GPR15LG: variants seen among roughly 807,000 people sequenced by gnomAD.
GPR15LG encodes the protein protein GPR15LG.
At chr10:84,175,864 T>C in the GPR15LG span, among the ~76,000 whole-genome samples, 1 of 151,586 alleles carries the variant, frequency 6.6e-6, no homozygotes, top group Non-Finnish European at 1.5e-5. Context: ...GTATGTCCTT[T>C]ATTCAGGCTT....
chr10:84,178,226 AC>A, the GPR15LG span, among the ~76,000 whole-genome samples: 1 of 151,552 alleles, frequency 6.6e-6, no homozygotes, highest in Non-Finnish European at 1.5e-5. Context: ...CACACACACC[AC>A]GCACTATACA....
At chr10:84,175,059 TTTTA>T in the GPR15LG span, among the ~76,000 whole-genome samples, 7 of 152,252 alleles carry the variant, frequency 4.6e-5, no homozygotes, top group Admixed American at 6.5e-5. Context: ...GTTATATCTT[TTTTA>T]TTTATCACTA....
the GPR15LG span, among the ~76,000 whole-genome samples, chr10:84,175,664 C>T: frequency 6.6e-6 from 1 of 152,082 alleles, no homozygotes; most frequent in African/African-American, 2.4e-5. Flanking sequence ...ACCACAATGC[C>T]CTGCTAATTT....
chr10:84,181,978 G>C, the GPR15LG span, among the ~76,000 whole-genome samples: 2 of 152,216 alleles, frequency 1.3e-5, no homozygotes, highest in Admixed American at 1.3e-4. Flanking sequence ...TGGAGCCTGA[G>C]AGGCTGCCCA....
chr10:84,179,487 T>C, the GPR15LG span, among the ~76,000 whole-genome samples: 8 of 152,202 alleles, frequency 5.3e-5, no homozygotes, highest in Non-Finnish European at 1.0e-4. Context: ...GATGAATCAG[T>C]GTTCCCAGGG....
the GPR15LG span, among the ~76,000 whole-genome samples, chr10:84,182,095 G>C: frequency 6.6e-6 from 1 of 152,190 alleles, no homozygotes; most frequent in African/African-American, 2.4e-5. Context: ...TTCCTCCCTC[G>C]CCATAGGGTT....
At chr10:84,178,281 GACAC>G in the GPR15LG span, among the ~76,000 whole-genome samples, 1 of 149,544 alleles carries the variant, frequency 6.7e-6, no homozygotes, top group South Asian at 2.1e-4. Context: ...TACACAAACA[GACAC>G]ACACTATACA....
chr10:84,179,550 G>A, the GPR15LG span, among the ~76,000 whole-genome samples: 1 of 152,202 alleles, frequency 6.6e-6, no homozygotes, highest in Admixed American at 6.5e-5. Flanking sequence ...CAGAAATCTG[G>A]CCTCGTGTGC....
the GPR15LG span, among the ~76,000 whole-genome samples, chr10:84,175,849 A>C: frequency 6.6e-6 from 1 of 152,186 alleles, no homozygotes; most frequent in Non-Finnish European, 1.5e-5. Context: ...ATATATGTAC[A>C]TAAAGTATGT....
At chr10:84,184,883 CT>C in the GPR15LG span, 11 of 1,516,556 alleles carry the variant, frequency 7.3e-6, no homozygotes, top group Non-Finnish European at 7.9e-6. Context: ...TGTTGGAGGG[CT>C]TCATCTCGGG....
chr10:84,184,474 A>G, the GPR15LG span, among the ~76,000 whole-genome samples: 2 of 152,256 alleles, frequency 1.3e-5, no homozygotes, highest in Admixed American at 6.5e-5. Context: ...TGGGACTGAA[A>G]TAATCTGGGC....
the GPR15LG span, chr10:84,184,591 A>G: frequency 7.8e-7 from 1 of 1,283,944 alleles, no homozygotes; most frequent in Non-Finnish European, 1.1e-6. Context: ...ATGCAACTTA[A>G]TTGTGTTTTC....
the GPR15LG span, among the ~76,000 whole-genome samples, chr10:84,182,973 G>A: frequency 5.3e-5 from 8 of 151,552 alleles, no homozygotes; most frequent in African/African-American, 1.9e-4. Context: ...AGTAAGTTAC[G>A]CTATATATTA....
the GPR15LG span, among the ~76,000 whole-genome samples, chr10:84,182,583 G>A: frequency 6.6e-6 from 1 of 152,216 alleles, no homozygotes; most frequent in Non-Finnish European, 1.5e-5. Context: ...AGCCCAGACT[G>A]TTCACGTGGT....
chr10:84,178,662 GCA>G, the GPR15LG span, among the ~76,000 whole-genome samples: 4,511 of 152,172 alleles, frequency 0.03, 122 homozygotes, highest in Middle Eastern at 0.078. Flanking sequence ...ATACACCCAA[GCA>G]CACACAGTGC....
the GPR15LG span, among the ~76,000 whole-genome samples, chr10:84,181,400 T>C: frequency 6.6e-6 from 1 of 151,348 alleles, no homozygotes; most frequent in Admixed American, 6.6e-5. Context: ...AGAAAATTTA[T>C]AGCAATCTGT....
At chr10:84,174,554 C>T in the GPR15LG span, among the ~76,000 whole-genome samples, 85 of 137,160 alleles carry the variant, frequency 6.2e-4, no homozygotes, top group African/African-American at 2.1e-3. Flanking sequence ...AGTGCAGTGG[C>T]GCTATCTCAG....
the GPR15LG span, among the ~76,000 whole-genome samples, chr10:84,174,494 C>CTTT: frequency 2.0e-5 from 2 of 98,736 alleles, no homozygotes; most frequent in African/African-American, 3.8e-5. Flanking sequence ...TTTCTTTTTT[C>CTTT]TTTTTTTTTT....
chr10:84,184,920 G>A, the GPR15LG span: 1 of 1,482,146 alleles, frequency 6.7e-7, no homozygotes, highest in African/African-American at 1.4e-5. Context: ...GAAAGTTCCA[G>A]AACTCCACGT....
Sources: allele counts gnomAD v4.1 joint callset (sites outside exome capture counted in the v4.1 genomes callset), GRCh38; gene constraint gnomAD v4.1.1; transcripts MANE v1.5; gene names NCBI Gene and HGNC (gene_info 2026-07-23, HGNC 2026-07-21).